PEPD: variants seen among roughly 807,000 people sequenced by gnomAD.
PEPD encodes the protein peptidase D.
PEPD carries 53 observed loss-of-function variants against 60.7 expected under a neutral mutation model. The observed-to-expected ratio is 0.87, with a 90% CI of 0.70 to 1.10. The LOEUF (loss-of-function observed/expected upper bound fraction) is 1.10. Ranked by LOEUF, PEPD falls within the 50% of genes least tolerant of loss-of-function variation. The pLI is 0.00. For synonymous variants in PEPD, 267 were observed against 284.1 expected (o/e 0.94, Z 0.60); for missense variants, 711 against 711.9 (o/e 1.00, Z 0.01).
chr19:33,432,707 C>A (rs76258600), intron 9 of PEPD, among the ~76,000 whole-genome samples: 1 of 152,246 alleles, frequency 6.6e-6, no homozygotes, highest in Non-Finnish European at 1.5e-5. Flanking sequence ...TAAAACATTA[C>A]GTTCGCCAAA....
At chr19:33,390,901 G>A (rs1968202740) in intron 13 of PEPD, among the ~76,000 whole-genome samples, 1 of 152,096 alleles carries the variant, frequency 6.6e-6, no homozygotes, top group African/African-American at 2.4e-5. Flanking sequence ...AACTCCCCAC[G>A]CCCCAGGTCT....
chr19:33,417,878 TTC>T (rs1442387470), intron 9 of PEPD, among the ~76,000 whole-genome samples: 2 of 152,148 alleles, frequency 1.3e-5, no homozygotes, highest in Non-Finnish European at 2.9e-5. Context: ...GGCAGCCAAG[TTC>T]TCTACAGAAG....
intron 6 of PEPD, among the ~76,000 whole-genome samples, chr19:33,481,479 T>C (rs2145303362): frequency 6.6e-6 from 1 of 152,172 alleles, no homozygotes; most frequent in South Asian, 2.1e-4. Context: ...GGCAGGAGAA[T>C]TGCTTGAACC....
intron 3 of PEPD, among the ~76,000 whole-genome samples, chr19:33,502,606 T>C (rs1165596814): frequency 6.6e-6 from 1 of 152,070 alleles, no homozygotes; most frequent in Admixed American, 6.5e-5. Context: ...ACTTTGTAAC[T>C]TCACTTTAGC....
At chr19:33,477,758 G>A (rs965745629) in intron 7 of PEPD, among the ~76,000 whole-genome samples, 8 of 152,150 alleles carry the variant, frequency 5.3e-5, no homozygotes, top group Non-Finnish European at 1.0e-4. Context: ...CATCTACCTC[G>A]TGCTGGAGCT....
At chr19:33,399,987 G>C (rs1410931845) in intron 12 of PEPD, among the ~76,000 whole-genome samples, 1 of 152,170 alleles carries the variant, frequency 6.6e-6, no homozygotes, top group Non-Finnish European at 1.5e-5. Context: ...AGCTGGGGCT[G>C]GGCTCGGGGC....
intron 11 of PEPD, among the ~76,000 whole-genome samples, chr19:33,402,252 G>A (rs545606068): frequency 6.6e-6 from 1 of 152,270 alleles, no homozygotes; most frequent in African/African-American, 2.4e-5. Context: ...CCAGGACCCC[G>A]CCCGCTGCCT....
At chr19:33,413,286 T>G (rs975876034) in intron 10 of PEPD, among the ~76,000 whole-genome samples, 13 of 152,200 alleles carry the variant, frequency 8.5e-5, no homozygotes, top group African/African-American at 3.1e-4. Flanking sequence ...TGTGCTTAGC[T>G]GCTGTGCTGA....
chr19:33,478,314 G>T (rs1970259303), intron 6 of PEPD, among the ~76,000 whole-genome samples: 1 of 152,084 alleles, frequency 6.6e-6, no homozygotes, highest in African/African-American at 2.4e-5. Context: ...AAGCTTTATG[G>T]CTACAAAACA....
rs551483489 is a variant in PEPD at position 33,391,250 on chromosome 19, G to A, written c.1152+45C>T. Reference sequence around the variant, plus strand: ...CCCTGCCCTGGGGGTCAGGCTCAGCGGCAGCTGATGGGCAGGCCACTCCGC... The same window carrying A: ...CCCTGCCCTGGGGGTCAGGCTCAGCAGCAGCTGATGGGCAGGCCACTCCGC... On this transcript the variant is annotated intron_variant, in intron 13 of 14. Transcript: ENST00000244137. 87 of 1,503,280 alleles carry A rather than the reference G, an allele frequency of 5.8e-5. No individual in the cohort carries two copies. The South Asian group carries it at 8.1e-4, about 14-fold the overall frequency. The allele number at this position is 1,503,280 out of a possible 1,614,324, so 93.1% of individuals were successfully genotyped here.
chr19:33,406,761 G>A (rs1232376112), intron 11 of PEPD, among the ~76,000 whole-genome samples: 2 of 152,218 alleles, frequency 1.3e-5, no homozygotes, highest in Non-Finnish European at 2.9e-5. Flanking sequence ...CAGGCTGCAG[G>A]GCCCATGTGA....
chr19:33,496,740 G>A (rs558075531), intron 4 of PEPD, among the ~76,000 whole-genome samples: 270 of 152,278 alleles, frequency 1.8e-3, no homozygotes, highest in Middle Eastern at 3.4e-3. Flanking sequence ...CGATTTCTCC[G>A]GCAGCCCCCG....
Position 33,494,654 on chromosome 19 carries a change from C to T in PEPD, c.394-1317G>A, listed in dbSNP as rs142033593. 3.6e-3 allele frequency among the ~76,000 whole-genome samples: 548 copies of T among 152,306 alleles called. 2 individuals carry two copies. Among genetic ancestry groups the T allele is most frequent in the Non-Finnish European group, 5.7e-3 (387 of 68,022 alleles). On this transcript the variant is annotated intron_variant, in intron 4 of 14. Transcript: ENST00000244137. ...TGGGGACAGTAAACGTCCAGTAGGTCGCTGAAGACGGCCTGTGCCAGTCAT... is the reference window on the plus strand; with the variant it reads ...TGGGGACAGTAAACGTCCAGTAGGTTGCTGAAGACGGCCTGTGCCAGTCAT...
At chr19:33,507,156 C>T (rs966054168) in intron 3 of PEPD, among the ~76,000 whole-genome samples, 2 of 152,152 alleles carry the variant, frequency 1.3e-5, no homozygotes, top group African/African-American at 4.8e-5. Context: ...AGCGCCCCTC[C>T]CTGCATACCC....
At chr19:33,502,991 G>C (rs918374980) in intron 3 of PEPD, among the ~76,000 whole-genome samples, 2 of 151,566 alleles carry the variant, frequency 1.3e-5, no homozygotes, top group Admixed American at 1.3e-4. Flanking sequence ...AATGTGCCTG[G>C]AGAACCCCAC....
At chr19:33,405,962 G>A (rs578070826) in intron 11 of PEPD, among the ~76,000 whole-genome samples, 1 of 152,244 alleles carries the variant, frequency 6.6e-6, no homozygotes, top group East Asian at 1.9e-4. Flanking sequence ...GGCCTCCTGG[G>A]TGTCTGGAGG....
intron 11 of PEPD, among the ~76,000 whole-genome samples, chr19:33,408,651 T>A (rs1428709274): frequency 6.6e-6 from 1 of 152,164 alleles, no homozygotes; most frequent in Non-Finnish European, 1.5e-5. Context: ...ATCTCTGGGG[T>A]GTCTTCCCCC....
rs1970917164 is a variant in PEPD, at chr19:33,511,076, G to C, written c.281C>G (p.Thr94Ser). The change falls in exon 3 of 15, where the codon ACC (threonine) becomes AGC (serine). Residue 94 changes from threonine (T) to serine (S), a missense_variant. Thr to Ser is a moderately conservative substitution (Grantham distance 58). Coordinates refer to ENST00000244137, the MANE Select transcript of PEPD (RefSeq NM_000285.4). ...GVIDVDTGKS[T>S]LFVPRLPASH... The stretch of plus-strand genomic sequence containing the variant: ...GGCAGGAAGCCTGGGCACAAACAGG[G>C]TCGACTTCCCAGTGTCAACATCGAT... 1 of 1,614,062 alleles carries C rather than the reference G, an allele frequency of 6.2e-7. No homozygotes were observed. Among genetic ancestry groups the C allele is most frequent in the Admixed American group, 1.7e-5 (1 of 60,022 alleles).
At chr19:33,448,156 G>C (rs565748953) in intron 9 of PEPD, among the ~76,000 whole-genome samples, 3 of 152,296 alleles carry the variant, frequency 2.0e-5, no homozygotes, top group South Asian at 4.1e-4. Flanking sequence ...AGCGTCTTTC[G>C]CACCAGCAGG....
Sources: allele counts gnomAD v4.1 joint callset (sites outside exome capture counted in the v4.1 genomes callset), GRCh38; gene constraint gnomAD v4.1.1; transcripts MANE v1.5; gene names NCBI Gene and HGNC (gene_info 2026-07-23, HGNC 2026-07-21).